ZNF385C: variants seen among roughly 807,000 people sequenced by gnomAD.
ZNF385C encodes the protein CTD-2132N18.2.
A neutral mutation model predicts 35.4 loss-of-function variants in ZNF385C; 28 were observed. The ratio of observed to expected loss-of-function variants is 0.79; its 90% confidence interval spans 0.59 to 1.08. The LOEUF is 1.08. Ranked by LOEUF, ZNF385C falls within the 50% of genes least tolerant of loss-of-function variation. The pLI is 0.00. For missense variants in ZNF385C, 605 were observed against 595.6 expected, an observed-to-expected ratio of 1.02 and a Z score of -0.16; for synonymous variants, 248 against 248.2, an observed-to-expected ratio of 1.00 and a Z score of 0.01.
In ZNF385C at chr17:42,088,871, G is replaced by A. The variant is rs2053836644; in HGVS notation, c.-3+9539C>T. 2.6e-5 allele frequency among the ~76,000 whole-genome samples: 4 copies of A among 152,038 alleles called. No individual in the cohort carries two copies. The South Asian group carries it at 8.3e-4, about 32-fold the overall frequency. On this transcript the variant is annotated intron_variant, in intron 1 of 8. Coordinates refer to ENST00000692273, the MANE Select transcript of ZNF385C (RefSeq NM_001392013.1). ...ACTCTATCTGTAACCCGTCACCCAG[G>A]CTGGAGTGCAGTGGTGCGATCACAG...
chr17:42,032,683 G>A (rs1598179627), intron 4 of ZNF385C, among the ~76,000 whole-genome samples: 1 of 151,938 alleles, frequency 6.6e-6, no homozygotes, highest in East Asian at 1.9e-4. Context: ...GAAGAAGAAT[G>A]GTTCCTCCCT....
intron 2 of ZNF385C, among the ~76,000 whole-genome samples, chr17:42,057,145 AC>A (rs1555657589): frequency 2.0e-5 from 3 of 152,110 alleles, no homozygotes. Flanking sequence ...AATAAACAAA[AC>A]AAAACAAAAC....
At chr17:42,036,495 C>G (rs190104894) in intron 3 of ZNF385C, among the ~76,000 whole-genome samples, 1 of 151,570 alleles carries the variant, frequency 6.6e-6, no homozygotes, top group Admixed American at 6.6e-5. Flanking sequence ...GAGTTTGAGA[C>G]CAGCCTGGGT....
At chr17:42,097,387 G>A (rs990503544) in intron 1 of ZNF385C, among the ~76,000 whole-genome samples, 1 of 152,034 alleles carries the variant, frequency 6.6e-6, no homozygotes, top group Admixed American at 6.6e-5. Context: ...TGCCTCTGAT[G>A]GTTTGTGTGG....
intron 2 of ZNF385C, chr17:42,043,152 G>C: frequency 8.1e-7 from 1 of 1,232,174 alleles, no homozygotes; most frequent in Admixed American, 4.2e-5. Context: ...GGCGCAGCAG[G>C]GCGTGGCGCT....
intron 2 of ZNF385C, among the ~76,000 whole-genome samples, chr17:42,052,150 G>A (rs1030861397): frequency 6.6e-6 from 1 of 152,190 alleles, no homozygotes; most frequent in African/African-American, 2.4e-5. Context: ...AGAGGGTGGG[G>A]TGTGGTCAGA....
At chr17:42,032,083 T>C (rs969660107) in intron 4 of ZNF385C, among the ~76,000 whole-genome samples, 6 of 152,098 alleles carry the variant, frequency 3.9e-5, no homozygotes, top group Non-Finnish European at 7.4e-5. Flanking sequence ...TTTTTTGAGA[T>C]GGAGTCTCGC....
At chr17:42,027,571 T>A in intron 8 of ZNF385C, 47 bp downstream of exon 8, 29 of 199,696 alleles carry the variant, frequency 1.5e-4, no homozygotes, top group Non-Finnish European at 2.3e-4. Flanking sequence ...CAGCCCACCC[T>A]CTCCCCTCCT....
chr17:42,034,271 T>C lies in ZNF385C; in HGVS notation c.464A>G (p.Lys155Arg). The change falls in exon 4 of 9, where the codon AAG (lysine) becomes AGG (arginine). Residue 155 changes from lysine (K) to arginine (R), a missense_variant. Lys to Arg is a conservative substitution (Grantham distance 26, BLOSUM62 2). Coordinates refer to ENST00000692273, the MANE Select transcript of ZNF385C (RefSeq NM_001392013.1). ...ACAGATGTTACAGGAAATGAACAGC[T>C]TCTTCTTCAGAGGGGAGGGGACACC... ...TFGVPSPLKK[K>R]LFISCNICHL... 3 of 1,550,616 alleles carry C rather than the reference T, an allele frequency of 1.9e-6. No individual in the cohort carries two copies. Among genetic ancestry groups the C allele is most frequent in the Non-Finnish European group, 2.6e-6 (3 of 1,146,978 alleles).
At chr17:42,067,083 G>A (rs2053558943) in intron 1 of ZNF385C, among the ~76,000 whole-genome samples, 1 of 150,996 alleles carries the variant, frequency 6.6e-6, no homozygotes, top group Non-Finnish European at 1.5e-5. Context: ...AAAAAAAAAA[G>A]AGAGAGAGAC....
intron 1 of ZNF385C, among the ~76,000 whole-genome samples, chr17:42,085,153 C>T (rs189938257): frequency 2.6e-5 from 4 of 152,026 alleles, no homozygotes; most frequent in African/African-American, 9.6e-5. Context: ...AAAAATTAGC[C>T]AGGCGTGGTG....
At chr17:42,055,281 C>T (rs1414034012) in intron 2 of ZNF385C, among the ~76,000 whole-genome samples, 4 of 152,054 alleles carry the variant, frequency 2.6e-5, no homozygotes, top group Admixed American at 2.0e-4. Context: ...AAACTCAAGC[C>T]CAGAGCTAAT....
At chr17:42,085,873 A>T (rs543071238) in intron 1 of ZNF385C, among the ~76,000 whole-genome samples, 22 of 152,040 alleles carry the variant, frequency 1.4e-4, no homozygotes, top group Non-Finnish European at 2.1e-4. Flanking sequence ...CTGAGATTAC[A>T]GGCGTGAGCC....
intron 2 of ZNF385C, among the ~76,000 whole-genome samples, chr17:42,056,713 A>G (rs1374312046): frequency 6.6e-6 from 1 of 152,160 alleles, no homozygotes; most frequent in Non-Finnish European, 1.5e-5. Flanking sequence ...TCCCCCATAC[A>G]GTTCTCATGG....
intron 3 of ZNF385C, 55 bp from the exon 4 acceptor site, chr17:42,034,390 G>T: frequency 1.5e-6 from 2 of 1,325,872 alleles, no homozygotes; most frequent in East Asian, 2.5e-5. Flanking sequence ...GGAAGCAGGG[G>T]TCGGGGGCAG....
intron 5 of ZNF385C, among the ~76,000 whole-genome samples, chr17:42,030,853 A>T (rs2052711078): frequency 1.4e-5 from 2 of 143,600 alleles, no homozygotes. Flanking sequence ...GATTGGAGTG[A>T]TGCGTCTATA....
intron 4 of ZNF385C, 120 bp from the exon 5 acceptor site, chr17:42,031,904 C>T: frequency 1.8e-6 from 2 of 1,131,414 alleles, no homozygotes; most frequent in Admixed American, 2.4e-5. Flanking sequence ...ACACAAAGGG[C>T]AAGTCCTTGT....
At position 42,034,237 on chromosome 17, in the gene ZNF385C, C is replaced by T. The variant is rs1421032388; in HGVS notation, c.498G>A (p.Arg166=). 1 of 1,550,516 alleles carries T rather than the reference C, an allele frequency of 6.4e-7. No individual in the cohort carries two copies. The highest frequency in any genetic ancestry group is 2.4e-5 in the East Asian group (1 of 40,918). Residue 166 remains arginine (R), a synonymous_variant, in exon 4 of 9, where the codon AGG becomes AGA. Transcript: ENST00000692273. ...LFISCNICHL[R]FNSANQAEAH... is the part of the protein sequence containing the mutation. ...TACTTTGTCTCACCGCTGAGTTGAACCTCAGGTGACAGATGTTACAGGAAA... is the reference window on the plus strand; with the variant it reads ...TACTTTGTCTCACCGCTGAGTTGAATCTCAGGTGACAGATGTTACAGGAAA...
intron 1 of ZNF385C, among the ~76,000 whole-genome samples, chr17:42,076,412 G>A (rs575929863): frequency 6.6e-6 from 1 of 152,298 alleles, no homozygotes; most frequent in East Asian, 1.9e-4. Flanking sequence ...ACGAGGTCAG[G>A]AGATCGAGAC....
Sources: gnomAD v4.1 joint callset for allele counts (sites outside exome capture counted in the v4.1 genomes callset) on GRCh38, gnomAD v4.1.1 for gene constraint, MANE v1.5 for transcripts, NCBI Gene and HGNC (gene_info 2026-07-23, HGNC 2026-07-21) for gene names.